GNAI3: variants seen among roughly 807,000 people sequenced by gnomAD.
GNAI3 encodes guanine nucleotide-binding protein G(i) subunit alpha-3.
In GNAI3, 12 loss-of-function variants were observed where a neutral mutation model predicts 41.8. The observed-to-expected ratio is 0.29, with a 90% CI of 0.18 to 0.47. The LOEUF (loss-of-function observed/expected upper bound fraction) is 0.47, where lower values mean the gene tolerates loss of function less well. Among genes scored for constraint, GNAI3 ranks in the 20% least tolerant of loss-of-function variants. The pLI is 1.00. For missense variants in GNAI3, 360 were observed against 429.6 expected (o/e 0.84, Z 1.43); for synonymous variants, 132 against 146.5 (o/e 0.90, Z 0.71).
At chr1:109,567,649 C>T (rs1401624507) in intron 1 of GNAI3, among the ~76,000 whole-genome samples, 4 of 152,170 alleles carry the variant, frequency 2.6e-5, no homozygotes, top group Non-Finnish European at 4.4e-5. Context: ...TAAATAGTTA[C>T]ACCATTTTTA....
chr1:109,586,709 A>G lies in GNAI3; in HGVS notation c.721-20A>G. 6.4e-7 allele frequency: 1 copy of G among 1,566,082 alleles called. No individual in the cohort carries two copies. Among genetic ancestry groups the G allele is most frequent in the Non-Finnish European group, 8.7e-7 (1 of 1,148,908 alleles). On this transcript the variant is annotated intron_variant, in intron 6 of 8. Coordinates refer to ENST00000369851, the MANE Select transcript of GNAI3 (RefSeq NM_006496.4). Reference sequence around the variant, plus strand: ...TTTTACTATTTGCTACTGACCTATCATCCTTTATTTCTTTTTCAGAACCGA... The same window carrying G: ...TTTTACTATTTGCTACTGACCTATCGTCCTTTATTTCTTTTTCAGAACCGA...
At chr1:109,568,270 C>T (rs1421471769) in intron 1 of GNAI3, among the ~76,000 whole-genome samples, 3 of 152,004 alleles carry the variant, frequency 2.0e-5, no homozygotes, top group Non-Finnish European at 2.9e-5. Context: ...TGCAGTGGCT[C>T]GCCCCTGTAA....
At position 109,595,446 on chromosome 1, in the gene GNAI3, C is replaced by A. The variant is rs1339815524; in HGVS notation, c.*3124C>A. ...GTTATTTTTCACAAGGTACTACATTCTTACAATGTAAGACTAGATGGACCA... is the reference window on the plus strand; with the variant it reads ...GTTATTTTTCACAAGGTACTACATTATTACAATGTAAGACTAGATGGACCA... On this transcript the variant is annotated 3_prime_UTR_variant, in exon 9 of 9. Coordinates refer to ENST00000369851, the MANE Select transcript of GNAI3 (RefSeq NM_006496.4). The A allele has an allele frequency of 6.6e-6, 1 of 152,082 alleles. No homozygotes were observed. The highest frequency in any genetic ancestry group is 2.4e-5 in the African/African-American group (1 of 41,400). 9.4% of individuals were successfully genotyped at this position (152,082 alleles called of 1,614,324 possible). A position where few individuals can be genotyped will look rare whatever the true frequency, so the allele number is the denominator to read the frequency against.
chr1:109,558,977 G>T (rs1176247795), intron 1 of GNAI3, among the ~76,000 whole-genome samples: 10 of 152,036 alleles, frequency 6.6e-5, no homozygotes, highest in Non-Finnish European at 1.3e-4. Flanking sequence ...AGGAGTTCGA[G>T]ACCAGCCTGG....
intron 1 of GNAI3, among the ~76,000 whole-genome samples, chr1:109,555,392 C>A (rs529915960): frequency 3.3e-5 from 5 of 152,240 alleles, no homozygotes; most frequent in South Asian, 4.1e-4. Flanking sequence ...AACTTCCAGT[C>A]AACTAATCTT....
At position 109,548,685 on chromosome 1, in the gene GNAI3, T is replaced by C. The variant is rs1056518700; in HGVS notation, c.-36T>C. 1 of 1,447,146 alleles carries C rather than the reference T, an allele frequency of 6.9e-7. No homozygotes were observed. Among genetic ancestry groups the C allele is most frequent in the African/African-American group, 1.4e-5 (1 of 71,672 alleles). The allele number at this position is 1,447,146 out of a possible 1,614,324, so 89.6% of individuals were successfully genotyped here. A position where few individuals can be genotyped will look rare whatever the true frequency, so the allele number is the denominator to read the frequency against. The stretch of plus-strand genomic sequence containing the variant: ...CGAGCCGCAGTTTCCGTGGTGTGAG[T>C]GAGTCCGGGCCCGTGTCCCCTCTCC... On this transcript the variant is annotated 5_prime_UTR_variant, in exon 1 of 9. Transcript: ENST00000369851.
intron 1 of GNAI3, among the ~76,000 whole-genome samples, chr1:109,562,429 G>A (rs1037740179): frequency 6.6e-6 from 1 of 152,054 alleles, no homozygotes; most frequent in Non-Finnish European, 1.5e-5. Flanking sequence ...ACCAAGGTAT[G>A]TGTGTGTGTA....
rs557545553 is a variant in GNAI3 at position 109,571,683 on chromosome 1, C to T, written c.119-2054C>T. Among the ~76,000 whole-genome samples, 10 of 152,180 alleles carry T rather than the reference C, an allele frequency of 6.6e-5. 1 individual carries two copies. The East Asian group carries it at 9.7e-4, about 15-fold the overall frequency. On this transcript the variant is annotated intron_variant, in intron 1 of 8. Coordinates refer to ENST00000369851, the MANE Select transcript of GNAI3 (RefSeq NM_006496.4). Reference sequence around the variant, plus strand: ...CTGTAATCCCAGCATTTTGGGAGGCCGAGGCAGGTGGATCGCTTGAGCCCA... The same window carrying T: ...CTGTAATCCCAGCATTTTGGGAGGCTGAGGCAGGTGGATCGCTTGAGCCCA...
chr1:109,582,875 T>A (rs1648930522), intron 5 of GNAI3, among the ~76,000 whole-genome samples: 1 of 152,234 alleles, frequency 6.6e-6, no homozygotes, highest in Non-Finnish European at 1.5e-5. Context: ...TGCTTTTTTG[T>A]TAGACTCACC....
intron 7 of GNAI3, among the ~76,000 whole-genome samples, chr1:109,588,177 G>A (rs540527667): frequency 1.3e-5 from 2 of 151,842 alleles, no homozygotes; most frequent in Non-Finnish European, 2.9e-5. Context: ...TTAGGAGATC[G>A]AGACCATCCT....
intron 3 of GNAI3, 41 bp downstream of exon 3, chr1:109,574,078 C>T: frequency 2.0e-6 from 3 of 1,530,012 alleles, no homozygotes; most frequent in Non-Finnish European, 2.7e-6. Flanking sequence ...TCTTATTCAG[C>T]AGATACAGTT....
intron 1 of GNAI3, among the ~76,000 whole-genome samples, chr1:109,564,040 T>TG (rs1648386650): frequency 7.2e-6 from 1 of 138,510 alleles, no homozygotes; most frequent in Non-Finnish European, 1.5e-5. Flanking sequence ...AGTTTTTGTG[T>TG]GTTTTTTTTT....
intron 1 of GNAI3, among the ~76,000 whole-genome samples, chr1:109,567,176 C>G (rs1648478585): frequency 2.0e-5 from 3 of 152,252 alleles, no homozygotes; most frequent in Middle Eastern, 3.4e-3. Flanking sequence ...AAGAGAGAGT[C>G]TTGGTCTAGC....
intron 1 of GNAI3, among the ~76,000 whole-genome samples, chr1:109,553,344 T>TAA (rs11428216): frequency 9.9e-5 from 15 of 151,290 alleles, no homozygotes; most frequent in Admixed American, 1.3e-4. Flanking sequence ...TGAGAAAACA[T>TAA]AAAAAAAAAC....
At chr1:109,554,640 A>AT (rs1184341775) in intron 1 of GNAI3, among the ~76,000 whole-genome samples, 2 of 151,516 alleles carry the variant, frequency 1.3e-5, no homozygotes, top group Non-Finnish European at 2.9e-5. Context: ...GATTGTGAAG[A>AT]TTTTCTCCCA....
intron 1 of GNAI3, among the ~76,000 whole-genome samples, chr1:109,561,818 T>A (rs540695449): frequency 3.9e-5 from 6 of 152,172 alleles, no homozygotes; most frequent in South Asian, 2.1e-4. Flanking sequence ...CTTTTTTTTT[T>A]AAGTTTCTTC....
intron 1 of GNAI3, among the ~76,000 whole-genome samples, chr1:109,571,661 T>C (rs940063102): frequency 1.3e-5 from 2 of 152,188 alleles, no homozygotes; most frequent in African/African-American, 4.8e-5. Flanking sequence ...CTCACTTCTG[T>C]AATCCCAGCA....
At chr1:109,591,685 C>T (rs1364377974) in intron 7 of GNAI3, 2 of 399,044 alleles carry the variant, frequency 5.0e-6, no homozygotes, top group Non-Finnish European at 4.5e-6. Flanking sequence ...AGGAACACAG[C>T]CTCTCTCAGA....
At chr1:109,578,097 G>C (rs1648796442) in intron 3 of GNAI3, among the ~76,000 whole-genome samples, 2 of 152,102 alleles carry the variant, frequency 1.3e-5, no homozygotes, top group South Asian at 4.1e-4. Flanking sequence ...ATAGAATAAA[G>C]GAAAACAATA....
Sources: allele counts gnomAD v4.1 joint callset (sites outside exome capture counted in the v4.1 genomes callset), GRCh38; gene constraint gnomAD v4.1.1; transcripts MANE v1.5; gene names NCBI Gene and HGNC (gene_info 2026-07-23, HGNC 2026-07-21).